Variants in CHRM3 observed in about 807,000 individuals in gnomAD.
CHRM3 encodes the protein muscarinic acetylcholine receptor M3.
CHRM3 carries 11 observed loss-of-function variants against 41.8 expected under a neutral mutation model. That is an observed-to-expected ratio of 0.26 (90% CI 0.17 to 0.44). The LOEUF (loss-of-function observed/expected upper bound fraction) is 0.44. Among genes scored for constraint, CHRM3 ranks in the 20% least tolerant of loss-of-function variants. The pLI, the probability that CHRM3 is intolerant of heterozygous loss-of-function variation, is 1.00. For missense variants in CHRM3, 571 were observed against 745.4 expected, an observed-to-expected ratio of 0.77 and a Z score of 2.72; for synonymous variants, 297 against 301.4, an observed-to-expected ratio of 0.99 and a Z score of 0.15.
chr1:239,549,360 A>T (rs888430742), intron 3 of CHRM3, among the ~76,000 whole-genome samples: 2 of 151,996 alleles, frequency 1.3e-5, no homozygotes, highest in African/African-American at 2.4e-5. Flanking sequence ...GTATGTCTTT[A>T]GAAGTCTCCT....
At chr1:239,721,316 G>C (rs1208897536) in intron 5 of CHRM3, among the ~76,000 whole-genome samples, 2 of 151,802 alleles carry the variant, frequency 1.3e-5, no homozygotes, top group East Asian at 1.9e-4. Flanking sequence ...CTTACATTAG[G>C]AGTCAACTTT....
intron 6 of CHRM3, among the ~76,000 whole-genome samples, chr1:239,890,835 A>T (rs1029006284): frequency 6.6e-6 from 1 of 152,218 alleles, no homozygotes; most frequent in Non-Finnish European, 1.5e-5. Flanking sequence ...CCTTTGGAGA[A>T]GCTTGGCCAT....
At chr1:239,822,183 C>T in intron 5 of CHRM3, among the ~76,000 whole-genome samples, 1 of 152,200 alleles carries the variant, frequency 6.6e-6, no homozygotes, top group Admixed American at 6.5e-5. Flanking sequence ...ATCTAATTCA[C>T]TAAATTATAT....
intron 5 of CHRM3, among the ~76,000 whole-genome samples, chr1:239,803,183 T>G (rs900556220): frequency 6.6e-6 from 1 of 152,168 alleles, no homozygotes; most frequent in Non-Finnish European, 1.5e-5. Context: ...TTAGGAAACA[T>G]TCGCGTGTCT....
At chr1:239,584,062 G>A (rs1191382448) in intron 3 of CHRM3, among the ~76,000 whole-genome samples, 1 of 150,078 alleles carries the variant, frequency 6.7e-6, no homozygotes, top group African/African-American at 2.5e-5. Flanking sequence ...TCAGAACATG[G>A]TTGTATTTTT....
At position 239,750,186 on chromosome 1, in the gene CHRM3, T is replaced by A. The variant is rs72758751; in HGVS notation, c.-147+71898T>A. On this transcript the variant is annotated intron_variant, in intron 5 of 6. Coordinates refer to ENST00000676153, the MANE Select transcript of CHRM3 (RefSeq NM_001375978.1). ...TGTAACTCAGCAGTAGAGCTTTCCA[T>A]GTACTGGATGGGCCGGCTGGCAGAT... Among the ~76,000 whole-genome samples the A allele has an allele frequency of 6.1e-3, 922 of 152,248 alleles. 7 individuals carry two copies. The highest frequency in any genetic ancestry group is 8.0e-3 in the Non-Finnish European group (542 of 68,024).
chr1:239,783,919 A>G (rs2148818480), intron 5 of CHRM3, among the ~76,000 whole-genome samples: 1 of 152,170 alleles, frequency 6.6e-6, no homozygotes, highest in African/African-American at 2.4e-5. Context: ...GTCCAGATGT[A>G]GTCAATGTTT....
intron 2 of CHRM3, among the ~76,000 whole-genome samples, chr1:239,515,629 A>G (rs186347265): frequency 6.6e-6 from 1 of 152,274 alleles, no homozygotes; most frequent in East Asian, 1.9e-4. Context: ...CCACACAAAC[A>G]ATTATTGTGA....
intron 5 of CHRM3, among the ~76,000 whole-genome samples, chr1:239,808,345 T>C (rs1670828781): frequency 6.6e-6 from 1 of 152,176 alleles, no homozygotes; most frequent in South Asian, 2.1e-4. Context: ...GGTCATTTTA[T>C]GGACAGGATT....
chr1:239,492,939 A>G (rs1667648227), intron 2 of CHRM3, 132 bp downstream of exon 2: 2 of 152,190 alleles, frequency 1.3e-5, no homozygotes, highest in Admixed American at 1.3e-4. Context: ...GAGAAGACTA[A>G]CACTTCAATA....
At chr1:239,855,454 A>G (rs1310944824) in intron 6 of CHRM3, among the ~76,000 whole-genome samples, 9 of 152,184 alleles carry the variant, frequency 5.9e-5, no homozygotes, top group Admixed American at 5.2e-4. Context: ...TTCCTTTGCT[A>G]TGTATAGACA....
chr1:239,711,614 C>G (rs749845259), intron 5 of CHRM3, among the ~76,000 whole-genome samples: 2 of 151,778 alleles, frequency 1.3e-5, no homozygotes, highest in Non-Finnish European at 2.9e-5. Context: ...TTCCACCAAA[C>G]CTTTAGTCCA....
At chr1:239,489,495 T>A (rs966495168) in intron 1 of CHRM3, among the ~76,000 whole-genome samples, 3 of 152,194 alleles carry the variant, frequency 2.0e-5, no homozygotes, top group Non-Finnish European at 4.4e-5. Flanking sequence ...ATGAATGTCA[T>A]CTAACCCTTT....
intron 2 of CHRM3, among the ~76,000 whole-genome samples, chr1:239,511,370 A>G (rs1054811932): frequency 1.3e-5 from 2 of 152,198 alleles, no homozygotes; most frequent in Non-Finnish European, 2.9e-5. Context: ...AAGCATTATA[A>G]AGCTGAGATT....
intron 4 of CHRM3, among the ~76,000 whole-genome samples, chr1:239,666,169 C>T (rs947874863): frequency 6.7e-6 from 1 of 149,142 alleles, no homozygotes; most frequent in Non-Finnish European, 1.5e-5. Context: ...TCCACATCCT[C>T]TCCAGCGTCT....
At chr1:239,829,389 T>A (rs1672721605) in intron 6 of CHRM3, among the ~76,000 whole-genome samples, 1 of 149,008 alleles carries the variant, frequency 6.7e-6, no homozygotes, top group Non-Finnish European at 1.5e-5. Context: ...TTCAATTGAC[T>A]GCAAGGACTG....
At chr1:239,520,099 T>C (rs1278253308) in intron 2 of CHRM3, among the ~76,000 whole-genome samples, 1 of 152,204 alleles carries the variant, frequency 6.6e-6, no homozygotes, top group Non-Finnish European at 1.5e-5. Context: ...AATGTTTAAC[T>C]CAAAATGTAC....
intron 3 of CHRM3, among the ~76,000 whole-genome samples, chr1:239,596,275 T>C (rs1341453650): frequency 6.6e-6 from 1 of 152,132 alleles, no homozygotes; most frequent in African/African-American, 2.4e-5. Context: ...AACCTCCAAC[T>C]CTGTGTAGGT....
chr1:239,395,583 T>A (rs574400172), intron 1 of CHRM3, among the ~76,000 whole-genome samples: 1 of 152,276 alleles, frequency 6.6e-6, no homozygotes, highest in South Asian at 2.1e-4. Flanking sequence ...TTCTGCAACT[T>A]AAATGTGCAT....
Sources: gnomAD v4.1 joint callset for allele counts (sites outside exome capture counted in the v4.1 genomes callset) on GRCh38, gnomAD v4.1.1 for gene constraint, MANE v1.5 for transcripts, NCBI Gene and HGNC (gene_info 2026-07-23, HGNC 2026-07-21) for gene names.